Variants in PGCKA1 observed in about 807,000 individuals in gnomAD.
PGCKA1 encodes PDCD10 and GCKIII kinases-associated protein 1.
At chr4:37,535,544 C>A in the PGCKA1 span, among the ~76,000 whole-genome samples, 2 of 152,158 alleles carry the variant, frequency 1.3e-5, no homozygotes, top group Non-Finnish European at 2.9e-5. Context: ...GCTTCCAGAG[C>A]CCCACTTCGC....
chr4:37,508,683 C>CTTTTTTTTTTTTTTTTTTTTTTTTTTTT, the PGCKA1 span, among the ~76,000 whole-genome samples: 16 of 84,826 alleles, frequency 1.9e-4, 1 homozygote, highest in African/African-American at 5.1e-4. Flanking sequence ...TTTGCTGAAT[C>CTTTTTTTTTTTTTTTTTTTTTTTTTTTT]TTTTTTTTAG....
the PGCKA1 span, among the ~76,000 whole-genome samples, chr4:37,583,764 C>T: frequency 1.3e-5 from 2 of 152,178 alleles, no homozygotes; most frequent in Non-Finnish European, 2.9e-5. Flanking sequence ...GTGGACACAG[C>T]CATCCTAATG....
At chr4:37,508,942 T>G in the PGCKA1 span, among the ~76,000 whole-genome samples, 6 of 149,678 alleles carry the variant, frequency 4.0e-5, no homozygotes, top group Non-Finnish European at 8.9e-5. Context: ...CCGCCCTTAA[T>G]CCATTTAACC....
the PGCKA1 span, among the ~76,000 whole-genome samples, chr4:37,536,564 T>C: frequency 6.6e-6 from 1 of 152,122 alleles, no homozygotes; most frequent in Non-Finnish European, 1.5e-5. Context: ...AAAGGTACAC[T>C]TCCAAGCTCA....
the PGCKA1 span, among the ~76,000 whole-genome samples, chr4:37,569,880 G>A: frequency 6.6e-6 from 1 of 151,890 alleles, no homozygotes; most frequent in African/African-American, 2.4e-5. Flanking sequence ...CAAAGCCAGC[G>A]CTAGACCATG....
chr4:37,586,599 C>T, the PGCKA1 span, among the ~76,000 whole-genome samples: 2 of 152,126 alleles, frequency 1.3e-5, no homozygotes, highest in South Asian at 2.1e-4. Context: ...CAAATTACTA[C>T]GAACTTAGAG....
the PGCKA1 span, among the ~76,000 whole-genome samples, chr4:37,505,298 G>C: frequency 1.3e-5 from 2 of 152,114 alleles, no homozygotes; most frequent in African/African-American, 4.8e-5. Context: ...TTTTTAATGT[G>C]TTGTTGAATT....
the PGCKA1 span, among the ~76,000 whole-genome samples, chr4:37,536,316 A>G: frequency 1.3e-5 from 2 of 152,248 alleles, no homozygotes; most frequent in African/African-American, 4.8e-5. Context: ...ATGCAATTCT[A>G]TTAGTTACCT....
At chr4:37,547,447 A>T in the PGCKA1 span, among the ~76,000 whole-genome samples, 6 of 152,198 alleles carry the variant, frequency 3.9e-5, no homozygotes, top group African/African-American at 1.4e-4. Context: ...AGGCACAAAT[A>T]AGCCCACCCC....
the PGCKA1 span, among the ~76,000 whole-genome samples, chr4:37,493,012 A>ATG: frequency 6.6e-6 from 1 of 151,986 alleles, no homozygotes; most frequent in Non-Finnish European, 1.5e-5. Context: ...AGTTATTGAT[A>ATG]TGTGTGTGTG....
chr4:37,495,639 C>T, the PGCKA1 span, among the ~76,000 whole-genome samples: 9 of 152,058 alleles, frequency 5.9e-5, no homozygotes, highest in Non-Finnish European at 1.2e-4. Context: ...TGTTCTCACT[C>T]ATAAGTGGGA....
the PGCKA1 span, among the ~76,000 whole-genome samples, chr4:37,467,129 C>T: frequency 6.6e-6 from 1 of 152,090 alleles, no homozygotes; most frequent in Non-Finnish European, 1.5e-5. Flanking sequence ...AGATACAGTG[C>T]AGTACTCTGC....
the PGCKA1 span, among the ~76,000 whole-genome samples, chr4:37,500,312 G>A: frequency 4.6e-5 from 7 of 152,182 alleles, no homozygotes; most frequent in South Asian, 2.1e-4. Flanking sequence ...ATTCTGGTAC[G>A]TTGTATCTTT....
chr4:37,497,627 A>G, the PGCKA1 span, among the ~76,000 whole-genome samples: 67 of 152,190 alleles, frequency 4.4e-4, no homozygotes, highest in Non-Finnish European at 7.9e-4. Context: ...TTGCCTGATC[A>G]TTGGTGATGT....
chr4:37,517,298 AATATATATAAAT>A, the PGCKA1 span, among the ~76,000 whole-genome samples: 1 of 147,588 alleles, frequency 6.8e-6, no homozygotes, highest in Non-Finnish European at 1.5e-5. Flanking sequence ...TATAAATATA[AATATATATAAAT>A]ATATATATAG....
At chr4:37,583,940 G>C in the PGCKA1 span, among the ~76,000 whole-genome samples, 1 of 152,174 alleles carries the variant, frequency 6.6e-6, no homozygotes, top group South Asian at 2.1e-4. Context: ...GTTGCCAAAA[G>C]GGAGGCAAGG....
At chr4:37,460,886 C>G in the PGCKA1 span, 1 of 397,686 alleles carries the variant, frequency 2.5e-6, no homozygotes, top group South Asian at 1.9e-5. Context: ...TTATTTTTGA[C>G]GATTTCATCA....
At chr4:37,583,394 G>A in the PGCKA1 span, among the ~76,000 whole-genome samples, 1 of 152,072 alleles carries the variant, frequency 6.6e-6, no homozygotes, top group African/African-American at 2.4e-5. Context: ...GACTGACATG[G>A]CATTAGCATG....
chr4:37,530,981 T>C, the PGCKA1 span, among the ~76,000 whole-genome samples: 112 of 152,034 alleles, frequency 7.4e-4, 2 homozygotes, highest in African/African-American at 2.5e-3. Flanking sequence ...CGAGACTCTG[T>C]CTCAAAAGCA....
Sources: allele counts gnomAD v4.1 joint callset (sites outside exome capture counted in the v4.1 genomes callset), GRCh38; gene constraint gnomAD v4.1.1; transcripts MANE v1.5; gene names NCBI Gene and HGNC (gene_info 2026-07-23, HGNC 2026-07-21).